Variants in FITM2 observed in about 807,000 individuals in gnomAD.
The protein encoded by FITM2 is fat storage inducing transmembrane protein 2.
A neutral mutation model predicts 23.3 loss-of-function variants in FITM2; 16 were observed. That is an observed-to-expected ratio of 0.69 (90% CI 0.47 to 1.05). FITM2 has a LOEUF of 1.05. Ranked by LOEUF, FITM2 falls within the 50% of genes least tolerant of loss-of-function variation. The pLI is 0.00. For missense variants in FITM2, 273 were observed against 327.5 expected (o/e 0.83, Z 1.29); for synonymous variants, 132 against 142.0 (o/e 0.93, Z 0.50).
intron 1 of FITM2, 68 bp from the exon 2 acceptor site, chr20:44,307,308 G>C (rs1020554801): frequency 1.3e-6 from 2 of 1,568,548 alleles, no homozygotes; most frequent in African/African-American, 2.7e-5. Flanking sequence ...TCAGGACTCA[G>C]GTCTCTACAC....
intron 1 of FITM2, among the ~76,000 whole-genome samples, chr20:44,308,346 T>C (rs985543691): frequency 1.3e-5 from 2 of 152,134 alleles, no homozygotes; most frequent in Non-Finnish European, 2.9e-5. Flanking sequence ...CACTTTCCCA[T>C]AGAGCACTCA....
rs113189792 is a variant in FITM2, at chr20:44,308,147, G to A, written c.174-907C>T. 8.5e-3 allele frequency among the ~76,000 whole-genome samples: 1,296 copies of A among 152,252 alleles called. 18 individuals are homozygous for A. Among genetic ancestry groups the A allele is most frequent in the African/African-American group, 0.029 (1,201 of 41,536 alleles). The stretch of plus-strand genomic sequence containing the variant: ...TATGAGTTAAGTACTGTTAATATCT[G>A]CCTTTAACAGAGAAGAAAACTGAGA... On this transcript the variant is annotated intron_variant, in intron 1 of 1. Transcript: ENST00000396825.
At position 44,306,721 on chromosome 20, in the gene FITM2, G is replaced by A. The variant is rs750925741; in HGVS notation, c.693C>T (p.Tyr231=). 7 of 1,614,070 alleles carry A rather than the reference G, an allele frequency of 4.3e-6. No homozygotes were observed. Among genetic ancestry groups the A allele is most frequent in the South Asian group, 3.3e-5 (3 of 91,082 alleles). The change falls in exon 2 of 2, where the codon TAC becomes TAT. Residue 231 remains tyrosine (Y), a synonymous_variant. Coordinates refer to ENST00000396825, the MANE Select transcript of FITM2 (RefSeq NM_001080472.4). ...FGTLFGLLSW[Y]GTYGFWYPKA... is the part of the protein sequence containing the mutation. Reference sequence around the variant, plus strand: ...TCGGATACCAAAACCCGTATGTCCCGTACCAGCTCAGCAAACCAAACAAGG... The same window carrying A: ...TCGGATACCAAAACCCGTATGTCCCATACCAGCTCAGCAAACCAAACAAGG...
chr20:44,303,341 C>G lies in FITM2; in HGVS notation c.*3284G>C, dbSNP rs978798380. The G allele has an allele frequency of 6.6e-6, 1 of 152,182 alleles. No homozygotes were observed. The highest frequency in any genetic ancestry group is 2.4e-5 in the African/African-American group (1 of 41,428). The allele number at this position is 152,182 out of a possible 1,614,324, so 9.4% of individuals were successfully genotyped here. A position where few individuals can be genotyped will look rare whatever the true frequency, so the allele number is the denominator to read the frequency against. Reference sequence around the variant, plus strand: ...GGTGCCAAGATATGAACCCACATCTCATGTTTGCTTGAGCCCAAATCCTTT... The same window carrying G: ...GGTGCCAAGATATGAACCCACATCTGATGTTTGCTTGAGCCCAAATCCTTT... On this transcript the variant is annotated 3_prime_UTR_variant, in exon 2 of 2. Coordinates refer to ENST00000396825, the MANE Select transcript of FITM2 (RefSeq NM_001080472.4).
rs572194808 is a variant in FITM2 at position 44,305,771 on chromosome 20, G to A, written c.*854C>T. On this transcript the variant is annotated 3_prime_UTR_variant, in exon 2 of 2. Coordinates refer to ENST00000396825, the MANE Select transcript of FITM2 (RefSeq NM_001080472.4). The stretch of plus-strand genomic sequence containing the variant: ...TGGGAGGTGGAGGTTGCGGTGAGCC[G>A]AGATCGGGCCATTGCACCCCAGCCT... 7.5e-3 allele frequency: 1,142 copies of A among 151,978 alleles called. 5 individuals are homozygous for A. The highest frequency in any genetic ancestry group is 0.014 in the Middle Eastern group (4 of 294). The allele number at this position is 151,978 out of a possible 1,614,324, so 9.4% of individuals were successfully genotyped here.
Position 44,303,942 on chromosome 20 carries a change from A to G in FITM2, c.*2683T>C, listed in dbSNP as rs2062683384. The G allele has an allele frequency of 6.6e-6, 1 of 152,066 alleles. No homozygotes were observed. Among genetic ancestry groups the G allele is most frequent in the Non-Finnish European group, 1.5e-5 (1 of 68,080 alleles). The allele number at this position is 152,066 out of a possible 1,614,324, so 9.4% of individuals were successfully genotyped here. ...AGGAGAGCTTTCAATCCCTTCAACAAGCCCCTGCCATCTACTCCATGGCCA... is the reference window on the plus strand; with the variant it reads ...AGGAGAGCTTTCAATCCCTTCAACAGGCCCCTGCCATCTACTCCATGGCCA... On this transcript the variant is annotated 3_prime_UTR_variant, in exon 2 of 2. Coordinates refer to ENST00000396825, the MANE Select transcript of FITM2 (RefSeq NM_001080472.4).
chr20:44,310,603 A>G (rs1351287867), intron 1 of FITM2, among the ~76,000 whole-genome samples: 1 of 152,098 alleles, frequency 6.6e-6, no homozygotes, highest in Non-Finnish European at 1.5e-5. Context: ...CAGAGGTGAG[A>G]TGGCATCTCC....
Position 44,304,859 on chromosome 20 carries a change from G to A in FITM2, c.*1766C>T, listed in dbSNP as rs986737799. The A allele has an allele frequency of 6.6e-6, 1 of 152,150 alleles. No individual in the cohort carries two copies. The highest frequency in any genetic ancestry group is 1.5e-5 in the Non-Finnish European group (1 of 68,020). 9.4% of individuals were successfully genotyped at this position (152,150 alleles called of 1,614,324 possible). A position where few individuals can be genotyped will look rare whatever the true frequency, so the allele number is the denominator to read the frequency against. ...GATTCACCTTAAAATTCAACAGGCT[G>A]TTACTAAAATGCCTGCTTTCTGGTT... On this transcript the variant is annotated 3_prime_UTR_variant, in exon 2 of 2. Coordinates refer to ENST00000396825, the MANE Select transcript of FITM2 (RefSeq NM_001080472.4).
intron 1 of FITM2, among the ~76,000 whole-genome samples, chr20:44,310,160 G>A (rs184438525): frequency 1.3e-3 from 197 of 152,360 alleles, no homozygotes; most frequent in African/African-American, 4.7e-3. Context: ...GGACACGCCA[G>A]AGACACTTAT....
At position 44,303,266 on chromosome 20, in the gene FITM2, TGACAGAC is replaced by T. The variant is rs2062681654; in HGVS notation, c.*3352_*3358del. 1 of 152,182 alleles carries T rather than the reference TGACAGAC, an allele frequency of 6.6e-6. No individual in the cohort carries two copies. The highest frequency in any genetic ancestry group is 2.4e-5 in the African/African-American group (1 of 41,428). 9.4% of individuals were successfully genotyped at this position (152,182 alleles called of 1,614,324 possible). A position where few individuals can be genotyped will look rare whatever the true frequency, so the allele number is the denominator to read the frequency against. ...TGCACCATTTCTCTTCATCTCCACCTGACAGACGATGAAAACGAGGTTTGCCATGATC... is the reference window on the plus strand; with the variant it reads ...TGCACCATTTCTCTTCATCTCCACCTGATGAAAACGAGGTTTGCCATGATC... On this transcript the variant is annotated 3_prime_UTR_variant, in exon 2 of 2. Transcript: ENST00000396825.
intron 1 of FITM2, among the ~76,000 whole-genome samples, chr20:44,308,947 C>G (rs1407559865): frequency 1.3e-5 from 2 of 152,098 alleles, no homozygotes; most frequent in African/African-American, 4.8e-5. Context: ...ATACCTCCTA[C>G]CTCTCCAGCC....
chr20:44,310,937 G>C (rs2062703190), intron 1 of FITM2, 39 bp downstream of exon 1: 1 of 1,508,168 alleles, frequency 6.6e-7, no homozygotes, highest in Non-Finnish European at 8.9e-7. Flanking sequence ...ACAGCGGGCC[G>C]GCTCGGGCGG....
In FITM2 at chr20:44,306,924, G is replaced by A; in HGVS notation, c.490C>T (p.Leu164Phe). Residue 164 changes from leucine (L) to phenylalanine (F), a missense_variant, in exon 2 of 2, where the codon CTC (leucine) becomes TTC (phenylalanine). Transcript: ENST00000396825. ...ACAGACATCTCTTCTACAATCATGA[G>A]GGCGCAGAAGGTCAGCAGGAAGGAG... ...GHSFLLTFCA[L>F]MIVEEMSVLH... is the part of the protein sequence containing the mutation. 1 of 1,614,208 alleles carries A rather than the reference G, an allele frequency of 6.2e-7. No individual in the cohort carries two copies. The highest frequency in any genetic ancestry group is 1.6e-4 in the Middle Eastern group (1 of 6,062).
intron 1 of FITM2, among the ~76,000 whole-genome samples, chr20:44,309,499 G>C (rs1179605710): frequency 6.6e-6 from 1 of 152,172 alleles, no homozygotes; most frequent in African/African-American, 2.4e-5. Context: ...CCTAACGGCA[G>C]AAACAGTCTT....
intron 1 of FITM2, among the ~76,000 whole-genome samples, chr20:44,308,273 A>G (rs2062696184): frequency 6.6e-6 from 1 of 152,192 alleles, no homozygotes; most frequent in Non-Finnish European, 1.5e-5. Flanking sequence ...TACTTAGGAA[A>G]ATAATATAAA....
At chr20:44,310,544 A>C (rs978465751) in intron 1 of FITM2, among the ~76,000 whole-genome samples, 5 of 152,066 alleles carry the variant, frequency 3.3e-5, no homozygotes, top group African/African-American at 9.7e-5. Flanking sequence ...GAGGGATCTG[A>C]TCTGACGCAG....
chr20:44,311,121 A>G lies in FITM2; in HGVS notation c.28T>C (p.Leu10=), dbSNP rs771707542. 6 of 1,612,656 alleles carry G rather than the reference A, an allele frequency of 3.7e-6. No homozygotes were observed. The highest frequency in any genetic ancestry group is 5.1e-6 in the Non-Finnish European group (6 of 1,179,524). Residue 10 remains leucine (L), a synonymous_variant, in exon 1 of 2, where the codon TTG becomes CTG. Coordinates refer to ENST00000396825, the MANE Select transcript of FITM2 (RefSeq NM_001080472.4). MEHLERCEW[L]LRGTLVRAAV... is the part of the protein sequence containing the mutation. ...GCCCGCACCAGCGTCCCCCGCAACA[A>G]CCACTCGCAGCGCTCCAGATGCTCC...
intron 1 of FITM2, among the ~76,000 whole-genome samples, chr20:44,307,959 C>T (rs1271389559): frequency 2.0e-5 from 3 of 151,840 alleles, no homozygotes; most frequent in African/African-American, 7.3e-5. Flanking sequence ...TGGTGGCGGG[C>T]GCCTGTAGTC....
In FITM2 at chr20:44,306,398, G is replaced by C; in HGVS notation, c.*227C>G. On this transcript the variant is annotated 3_prime_UTR_variant, in exon 2 of 2. Coordinates refer to ENST00000396825, the MANE Select transcript of FITM2 (RefSeq NM_001080472.4). The stretch of plus-strand genomic sequence containing the variant: ...CCAGATAAAGGTCAAGTCTTACCAG[G>C]GACAAAAAGTGCCTAACTGGGAATG... The C allele has an allele frequency of 2.0e-6, 1 of 497,258 alleles. No individual in the cohort carries two copies. Among genetic ancestry groups the C allele is most frequent in the Admixed American group, 3.4e-5 (1 of 29,750 alleles). 30.8% of individuals were successfully genotyped at this position (497,258 alleles called of 1,614,324 possible). A position where few individuals can be genotyped will look rare whatever the true frequency, so the allele number is the denominator to read the frequency against.
Sources: gnomAD v4.1 joint callset for allele counts (sites outside exome capture counted in the v4.1 genomes callset) on GRCh38, gnomAD v4.1.1 for gene constraint, MANE v1.5 for transcripts, NCBI Gene and HGNC (gene_info 2026-07-23, HGNC 2026-07-21) for gene names.